Variants in DESI2 observed in about 807,000 individuals in gnomAD.
DESI2 encodes desumoylating isopeptidase 2.
A neutral mutation model predicts 24.1 loss-of-function variants in DESI2; 10 were observed. The ratio of observed to expected loss-of-function variants is 0.41; its 90% CI spans 0.26 to 0.70. DESI2 has a LOEUF of 0.70. Among genes scored for constraint, DESI2 ranks in the 30% least tolerant of loss-of-function variants. DESI2 has a pLI of 0.29. For missense variants in DESI2, 122 were observed against 234.9 expected, an observed-to-expected ratio of 0.52 and a Z score of 3.14; for synonymous variants, 71 against 87.7, an observed-to-expected ratio of 0.81 and a Z score of 1.06.
chr1:244,706,964 CTG>C lies in DESI2; in HGVS notation c.*1177_*1178del, dbSNP rs1357146190. The stretch of plus-strand genomic sequence containing the variant: ...TACGTAACATACTCTAAGAATGAAA[CTG>C]TCACCACAGGTAAATCCTTGTTAGC... On this transcript the variant is annotated 3_prime_UTR_variant, in exon 5 of 5. Coordinates refer to ENST00000302550, the MANE Select transcript of DESI2 (RefSeq NM_016076.5). The C allele has an allele frequency of 6.6e-6, 1 of 152,630 alleles. No individual in the cohort carries two copies. Among genetic ancestry groups the C allele is most frequent in the Non-Finnish European group, 1.5e-5 (1 of 68,042 alleles). The allele number at this position is 152,630 out of a possible 1,614,324, so 9.5% of individuals were successfully genotyped here.
intron 3 of DESI2, among the ~76,000 whole-genome samples, chr1:244,690,270 C>G (rs561993706): frequency 6.6e-6 from 1 of 152,252 alleles, no homozygotes; most frequent in African/African-American, 2.4e-5. Context: ...CGCCCTGTGT[C>G]CAAGTGTTCT....
chr1:244,687,732 C>A (rs12732509), intron 2 of DESI2, among the ~76,000 whole-genome samples: 2 of 151,990 alleles, frequency 1.3e-5, no homozygotes, highest in Non-Finnish European at 2.9e-5. Context: ...CTGCATCTAC[C>A]AAATAATCCC....
At chr1:244,691,615 CAT>C (rs2148810031) in intron 3 of DESI2, among the ~76,000 whole-genome samples, 1 of 152,210 alleles carries the variant, frequency 6.6e-6, no homozygotes, top group Admixed American at 6.5e-5. Context: ...TACATAAGGA[CAT>C]ATATTTCATA....
intron 1 of DESI2, among the ~76,000 whole-genome samples, chr1:244,681,745 G>A (rs1400131857): frequency 1.3e-5 from 2 of 152,214 alleles, no homozygotes; most frequent in Admixed American, 6.5e-5. Flanking sequence ...AGGGTATATA[G>A]ACAGAATACT....
chr1:244,657,724 GTCC>G (rs1020838392), intron 1 of DESI2, among the ~76,000 whole-genome samples: 1 of 152,158 alleles, frequency 6.6e-6, no homozygotes, highest in Non-Finnish European at 1.5e-5. Context: ...CCCTTGGTTC[GTCC>G]TCTCATAATT....
Position 244,705,794 on chromosome 1 carries a change from C to T in DESI2, c.*5C>T. 2 of 1,599,180 alleles carry T rather than the reference C, an allele frequency of 1.3e-6. No homozygotes were observed. The highest frequency in any genetic ancestry group is 1.7e-4 in the Middle Eastern group (1 of 5,968). On this transcript the variant is annotated 3_prime_UTR_variant, in exon 5 of 5. Transcript: ENST00000302550. ...GGGCGCCACACTAAACTATAAATGTCTCCAAAGTCACACATTCAGAACTGT... is the reference window on the plus strand; with the variant it reads ...GGGCGCCACACTAAACTATAAATGTTTCCAAAGTCACACATTCAGAACTGT...
In DESI2 at chr1:244,654,279, A is replaced by T. The variant is rs113885016; in HGVS notation, c.42+924A>T. 2.4e-3 allele frequency among the ~76,000 whole-genome samples: 363 copies of T among 152,292 alleles called. 1 individual carries two copies. The highest frequency in any genetic ancestry group is 3.9e-3 in the Non-Finnish European group (262 of 68,024). ...TCTGTAGACTGGATTAGTACCTCTG[A>T]CTGCAGTGCTTAAAATTCCTTGTAA... On this transcript the variant is annotated intron_variant, in intron 1 of 4. Transcript: ENST00000302550.
intron 1 of DESI2, among the ~76,000 whole-genome samples, chr1:244,662,530 G>T (rs1030138523): frequency 2.6e-5 from 4 of 151,988 alleles, no homozygotes; most frequent in African/African-American, 9.7e-5. Context: ...GATGTTTTTT[G>T]TTTTTTGAAA....
chr1:244,702,638 T>C (rs1040148772), intron 4 of DESI2, among the ~76,000 whole-genome samples: 4 of 152,240 alleles, frequency 2.6e-5, no homozygotes, highest in African/African-American at 9.6e-5. Context: ...GCCTCTGCCA[T>C]TGTAGCCTAA....
rs543078860 is a variant in DESI2 at position 244,655,232 on chromosome 1, CAG to C, written c.42+1878_42+1879del. ...AATAGGTAGTTAGAGAAGCAGCAGA[CAG>C]GGGAGAGAGTAAGTGATCTGCCTAA... On this transcript the variant is annotated intron_variant, in intron 1 of 4. Coordinates refer to ENST00000302550, the MANE Select transcript of DESI2 (RefSeq NM_016076.5). 1.8e-3 allele frequency among the ~76,000 whole-genome samples: 273 copies of C among 152,292 alleles called. 2 individuals carry two copies. Among genetic ancestry groups the C allele is most frequent in the African/African-American group, 6.3e-3 (260 of 41,562 alleles).
chr1:244,660,468 AT>A (rs771568234), intron 1 of DESI2, among the ~76,000 whole-genome samples: 32 of 152,102 alleles, frequency 2.1e-4, no homozygotes, highest in Non-Finnish European at 1.9e-4. Flanking sequence ...ACCCGGTCGG[AT>A]TTTTCTTAAG....
At chr1:244,675,422 T>G (rs1676385412) in intron 1 of DESI2, among the ~76,000 whole-genome samples, 1 of 152,188 alleles carries the variant, frequency 6.6e-6, no homozygotes. Context: ...AGCTCTTGCA[T>G]TTAGGTCTTT....
chr1:244,665,972 G>A (rs1214044984), intron 1 of DESI2, among the ~76,000 whole-genome samples: 1 of 152,148 alleles, frequency 6.6e-6, no homozygotes. Flanking sequence ...CGCGGCAGCT[G>A]AATAGGGCTA....
chr1:244,672,568 A>G (rs932111046), intron 1 of DESI2, among the ~76,000 whole-genome samples: 1 of 152,118 alleles, frequency 6.6e-6, no homozygotes, highest in Admixed American at 6.5e-5. Context: ...GAGAAACACT[A>G]CTATTGATTT....
intron 4 of DESI2, among the ~76,000 whole-genome samples, chr1:244,692,805 A>T (rs997608556): frequency 6.6e-6 from 1 of 152,216 alleles, no homozygotes; most frequent in Non-Finnish European, 1.5e-5. Flanking sequence ...AGTGTGTTTC[A>T]TGGACCAGCA....
intron 1 of DESI2, among the ~76,000 whole-genome samples, chr1:244,662,885 A>G (rs1484823058): frequency 6.6e-6 from 1 of 151,372 alleles, no homozygotes; most frequent in African/African-American, 2.4e-5. Context: ...GCAAGAAACA[A>G]GAGAAGTTTT....
At chr1:244,699,737 TAAC>T (rs368502686) in intron 4 of DESI2, among the ~76,000 whole-genome samples, 51 of 152,210 alleles carry the variant, frequency 3.4e-4, no homozygotes, top group African/African-American at 1.1e-3. Flanking sequence ...ACTGATTTTG[TAAC>T]AACAACAAAA....
intron 4 of DESI2, among the ~76,000 whole-genome samples, chr1:244,702,814 G>T (rs1038399356): frequency 6.6e-5 from 10 of 152,132 alleles, no homozygotes. Flanking sequence ...TATGGAGGAG[G>T]GTAGATTACT....
rs1677787576 is a variant in DESI2, at chr1:244,708,243, G to A, written c.*2454G>A. On this transcript the variant is annotated 3_prime_UTR_variant, in exon 5 of 5. Coordinates refer to ENST00000302550, the MANE Select transcript of DESI2 (RefSeq NM_016076.5). ...GTGAACATACTTCTCATGGTGGGTTGGACAGTAATACATGTTAGAGGGTCA... is the reference window on the plus strand; with the variant it reads ...GTGAACATACTTCTCATGGTGGGTTAGACAGTAATACATGTTAGAGGGTCA... 1.3e-5 allele frequency: 2 copies of A among 152,462 alleles called. No homozygotes were observed. The highest frequency in any genetic ancestry group is 4.8e-5 in the African/African-American group (2 of 41,428). 9.4% of individuals were successfully genotyped at this position (152,462 alleles called of 1,614,324 possible).
Sources: gnomAD v4.1 joint callset for allele counts (sites outside exome capture counted in the v4.1 genomes callset) on GRCh38, gnomAD v4.1.1 for gene constraint, MANE v1.5 for transcripts, NCBI Gene and HGNC (gene_info 2026-07-23, HGNC 2026-07-21) for gene names.